CTNNA3: variants seen among roughly 807,000 people sequenced by gnomAD.
CTNNA3 encodes catenin alpha-3.
A neutral mutation model predicts 95.7 loss-of-function variants in CTNNA3; 76 were observed. That is an observed-to-expected ratio of 0.79 (90% CI 0.66 to 0.96). The LOEUF is 0.96. CTNNA3 is among the 40% of genes least tolerant of loss of function. The pLI, the probability that CTNNA3 is intolerant of heterozygous loss-of-function variation, is 0.00. For synonymous variants in CTNNA3, 431 were observed against 374.4 expected, an observed-to-expected ratio of 1.15 and a Z score of -1.74; for missense variants, 1,191 against 1,089.8, an observed-to-expected ratio of 1.09 and a Z score of -1.31.
chr10:66,319,160 T>C (rs2092147828), intron 12 of CTNNA3, among the ~76,000 whole-genome samples: 1 of 152,038 alleles, frequency 6.6e-6, no homozygotes, highest in Non-Finnish European at 1.5e-5. Flanking sequence ...ATAATAAAAA[T>C]GGGAATAATT....
chr10:66,770,138 T>C (rs964262913), intron 8 of CTNNA3, among the ~76,000 whole-genome samples: 1 of 152,206 alleles, frequency 6.6e-6, no homozygotes, highest in Non-Finnish European at 1.5e-5. Context: ...AAAGAGGAAT[T>C]ATTATGAGAC....
At chr10:66,188,015 A>C (rs1280288228) in intron 13 of CTNNA3, among the ~76,000 whole-genome samples, 2 of 152,108 alleles carry the variant, frequency 1.3e-5, no homozygotes, top group Non-Finnish European at 2.9e-5. Flanking sequence ...CAAAACAAAG[A>C]CTTAGAAATA....
intron 7 of CTNNA3, among the ~76,000 whole-genome samples, chr10:67,133,490 G>A (rs922709728): frequency 2.0e-5 from 3 of 151,270 alleles, no homozygotes; most frequent in Non-Finnish European, 4.4e-5. Flanking sequence ...TTACAAAGTC[G>A]TGGTGAAGAA....
chr10:66,288,206 T>A (rs1176020470), intron 12 of CTNNA3, among the ~76,000 whole-genome samples: 1 of 152,068 alleles, frequency 6.6e-6, no homozygotes, highest in Non-Finnish European at 1.5e-5. Context: ...CACACATTTT[T>A]AAAAAAGATT....
chr10:67,402,109 A>C (rs961588450), intron 5 of CTNNA3, among the ~76,000 whole-genome samples: 5 of 152,354 alleles, frequency 3.3e-5, no homozygotes, highest in Middle Eastern at 3.4e-3. Context: ...CTGAAATGAC[A>C]GACATAGAAT....
intron 10 of CTNNA3, among the ~76,000 whole-genome samples, chr10:66,618,948 A>C (rs1286924677): frequency 1.3e-5 from 2 of 152,238 alleles, no homozygotes; most frequent in Non-Finnish European, 2.9e-5. Context: ...CAGCCAACAG[A>C]CACATGAAAA....
intron 10 of CTNNA3, among the ~76,000 whole-genome samples, chr10:66,576,195 C>T (rs921488179): frequency 6.6e-6 from 1 of 152,096 alleles, no homozygotes; most frequent in African/African-American, 2.4e-5. Context: ...GGATAAGAAT[C>T]ACTGGGGAGC....
chr10:67,394,970 A>G (rs1417322598), intron 5 of CTNNA3, among the ~76,000 whole-genome samples: 1 of 152,164 alleles, frequency 6.6e-6, no homozygotes, highest in East Asian at 1.9e-4. Flanking sequence ...ACCATCAACA[A>G]AAAGAAACAT....
Position 67,715,354 on chromosome 10 carries a change from G to A in CTNNA3, c.-2+48080C>T, listed in dbSNP as rs567932227. ...CAATGAACAGTGCAAGAACAAGAAG[G>A]GATCAAGTAATAATAAGGGGCCATG... On this transcript the variant is annotated intron_variant, in intron 1 of 17. Coordinates refer to the CTNNA3 transcript ENST00000684154. Among the ~76,000 whole-genome samples the A allele has an allele frequency of 3.3e-5, 5 of 152,172 alleles. No homozygotes were observed. In the South Asian group the frequency reaches 1.0e-3, roughly 32 times the overall value.
At chr10:66,946,720 A>G (rs937935412) in intron 7 of CTNNA3, among the ~76,000 whole-genome samples, 3 of 152,100 alleles carry the variant, frequency 2.0e-5, no homozygotes, top group African/African-American at 7.2e-5. Flanking sequence ...GTAGTTGTAG[A>G]ACTACATATT....
At chr10:66,856,154 G>A (rs1843675674) in intron 7 of CTNNA3, among the ~76,000 whole-genome samples, 1 of 151,938 alleles carries the variant, frequency 6.6e-6, no homozygotes, top group Non-Finnish European at 1.5e-5. Context: ...GTTCCCACCT[G>A]TAAGTGAGAA....
intron 5 of CTNNA3, among the ~76,000 whole-genome samples, chr10:67,258,837 G>A (rs1228564891): frequency 2.6e-5 from 4 of 151,880 alleles, no homozygotes; most frequent in African/African-American, 7.3e-5. Context: ...TTTGTCCTTC[G>A]TACCAGAGGG....
chr10:66,474,120 T>G (rs574186232), intron 11 of CTNNA3, among the ~76,000 whole-genome samples: 1 of 152,190 alleles, frequency 6.6e-6, no homozygotes, highest in East Asian at 1.9e-4. Context: ...CAATACAATA[T>G]AGTTAATCAT....
chr10:66,072,225 T>A (rs1589326550), intron 14 of CTNNA3, among the ~76,000 whole-genome samples: 1 of 152,276 alleles, frequency 6.6e-6, no homozygotes, highest in East Asian at 1.9e-4. Flanking sequence ...CTGAATTTTT[T>A]CAACCACTTA....
rs376394624 is a variant in CTNNA3 at position 66,326,758 on chromosome 10, T to TTG, written c.1733-46139_1733-46138dup. 1.7e-3 allele frequency among the ~76,000 whole-genome samples: 255 copies of TTG among 152,176 alleles called. 2 individuals are homozygous for TTG. The highest frequency in any genetic ancestry group is 6.0e-3 in the African/African-American group (249 of 41,542). ...GCTAGCAGATTGTTGCAACTTCTTT[T>TTG]TGTTTAATCATAGTCTCTAGTATCT... On this transcript the variant is annotated intron_variant, in intron 12 of 17. Coordinates refer to ENST00000433211, the MANE Select transcript of CTNNA3 (RefSeq NM_013266.4).
chr10:66,257,609 A>G (rs1306951837), intron 13 of CTNNA3, among the ~76,000 whole-genome samples: 1 of 152,230 alleles, frequency 6.6e-6, no homozygotes, highest in Non-Finnish European at 1.5e-5. Flanking sequence ...GTCAATCAAT[A>G]TCAGCTGCTC....
chr10:66,578,376 G>A (rs1378787141), intron 10 of CTNNA3, among the ~76,000 whole-genome samples: 2 of 151,878 alleles, frequency 1.3e-5, no homozygotes, highest in African/African-American at 2.4e-5. Flanking sequence ...GGTGAGTGTG[G>A]GCATCCTTGT....
chr10:66,923,838 A>G (rs1214216073), intron 7 of CTNNA3, among the ~76,000 whole-genome samples: 2 of 152,204 alleles, frequency 1.3e-5, no homozygotes, highest in Non-Finnish European at 2.9e-5. Flanking sequence ...CAGTTATACT[A>G]TATCCATTGT....
At chr10:66,347,030 T>A (rs915916530) in intron 12 of CTNNA3, among the ~76,000 whole-genome samples, 1 of 151,976 alleles carries the variant, frequency 6.6e-6, no homozygotes, top group African/African-American at 2.4e-5. Flanking sequence ...CAGATTTACA[T>A]CCTGAAAAAA....
Sources: gnomAD v4.1 joint callset for allele counts (sites outside exome capture counted in the v4.1 genomes callset) on GRCh38, gnomAD v4.1.1 for gene constraint, MANE v1.5 for transcripts, NCBI Gene and HGNC (gene_info 2026-07-23, HGNC 2026-07-21) for gene names.